Variants in NTM observed in about 807,000 individuals in gnomAD.
The protein encoded by NTM is IgLON family member 2.
Under a neutral mutation model 42.1 loss-of-function variants are expected in NTM, and 13 were observed. The observed-to-expected ratio is 0.31, with a 90% CI of 0.20 to 0.49. The LOEUF (loss-of-function observed/expected upper bound fraction) is 0.49, where lower values mean the gene tolerates loss of function less well. Among genes scored for constraint, NTM ranks in the 20% least tolerant of loss-of-function variants. NTM has a pLI of 0.99. For missense variants in NTM, 373 were observed against 452.8 expected (o/e 0.82, Z 1.60); for synonymous variants, 187 against 179.2 (o/e 1.04, Z -0.35).
At chr11:132,322,858 A>G (rs755132489) in intron 7 of NTM, among the ~76,000 whole-genome samples, 219 of 145,388 alleles carry the variant, frequency 1.5e-3, no homozygotes, top group Admixed American at 3.3e-3. Flanking sequence ...TCAAACTAGA[A>G]CTCAGGATTA....
At chr11:131,816,118 T>C (rs77407985) in intron 1 of NTM, among the ~76,000 whole-genome samples, 11,462 of 152,318 alleles carry the variant, frequency 0.075, 1,430 homozygotes, top group African/African-American at 0.26. Context: ...AATTCTGCCT[T>C]TTTTGATTAT....
At chr11:131,733,469 T>TCCTTCCTTCCTC (rs2079968326) in intron 1 of NTM, among the ~76,000 whole-genome samples, 1 of 104,928 alleles carries the variant, frequency 9.5e-6, no homozygotes, top group Non-Finnish European at 1.9e-5. Flanking sequence ...CTTCTTTCCT[T>TCCTTCCTTCCTC]CCTTCCTTCC....
At chr11:131,936,749 A>C (rs2059263332) in intron 2 of NTM, among the ~76,000 whole-genome samples, 1 of 152,220 alleles carries the variant, frequency 6.6e-6, no homozygotes, top group Non-Finnish European at 1.5e-5. Flanking sequence ...AAAAATTCTC[A>C]CTATGATACG....
intron 1 of NTM, among the ~76,000 whole-genome samples, chr11:131,523,695 A>G (rs1381434308): frequency 2.0e-5 from 3 of 150,404 alleles, no homozygotes; most frequent in Non-Finnish European, 4.4e-5. Flanking sequence ...AGGCTGAGAC[A>G]GAAGAATAGC....
intron 1 of NTM, among the ~76,000 whole-genome samples, chr11:131,780,420 G>A (rs996089229): frequency 1.3e-5 from 2 of 152,092 alleles, no homozygotes; most frequent in South Asian, 4.1e-4. Context: ...CTCAAATGTA[G>A]GAGTTTTATT....
At chr11:131,427,699 A>G (rs1948283590) in intron 1 of NTM, among the ~76,000 whole-genome samples, 1 of 152,208 alleles carries the variant, frequency 6.6e-6, no homozygotes, top group African/African-American at 2.4e-5. Context: ...AGTTCATTGC[A>G]AATCAACTTC....
intron 4 of NTM, among the ~76,000 whole-genome samples, chr11:132,272,231 G>A (rs970099611): frequency 6.6e-6 from 1 of 151,974 alleles, no homozygotes; most frequent in Non-Finnish European, 1.5e-5. Flanking sequence ...TTATCCCATT[G>A]TTCTATGTAT....
At chr11:131,383,001 C>T (rs915805751) in intron 1 of NTM, among the ~76,000 whole-genome samples, 4 of 152,154 alleles carry the variant, frequency 2.6e-5, no homozygotes, top group Admixed American at 1.3e-4. Flanking sequence ...TAAGACCTTG[C>T]CTATCCTTGC....
chr11:131,956,294 C>T (rs2061548530), intron 2 of NTM, among the ~76,000 whole-genome samples: 1 of 152,154 alleles, frequency 6.6e-6, no homozygotes, highest in African/African-American at 2.4e-5. Flanking sequence ...CAGAATGTGA[C>T]CTCTAGCATT....
chr11:131,541,526 TCAGTCAATTTTGTGAGCTATGTAAAGC>T (rs1191960919), intron 1 of NTM, among the ~76,000 whole-genome samples: 2 of 152,148 alleles, frequency 1.3e-5, no homozygotes, highest in Non-Finnish European at 2.9e-5. Context: ...CTATGTAAAG[TCAGTCAATTTTGTGAGCTATGTAAAGC>T]CAGTCAATTC....
chr11:131,715,756 T>C (rs2077629498), intron 1 of NTM, among the ~76,000 whole-genome samples: 1 of 152,254 alleles, frequency 6.6e-6, no homozygotes, highest in South Asian at 2.1e-4. Flanking sequence ...TCACACAATA[T>C]GTACTCACTT....
intron 1 of NTM, among the ~76,000 whole-genome samples, chr11:131,578,308 A>G (rs887251771): frequency 5.3e-5 from 8 of 152,240 alleles, no homozygotes; most frequent in Non-Finnish European, 1.0e-4. Flanking sequence ...ATATAGGTTT[A>G]TGTCATATCT....
At chr11:131,570,417 G>A (rs1309088867) in intron 1 of NTM, among the ~76,000 whole-genome samples, 2 of 152,178 alleles carry the variant, frequency 1.3e-5, no homozygotes, top group Non-Finnish European at 2.9e-5. Flanking sequence ...AAACCTAGAA[G>A]CAATAAATGA....
rs1187078007 is a variant in NTM at position 132,297,368 on chromosome 11, T to C, written c.527-10321T>C. Reference sequence around the variant, plus strand: ...CTTCAGGAAAGCCTGCGTTTTGCTCTGCATCTGAGGATGCTGCTTGCAAAG... The same window carrying C: ...CTTCAGGAAAGCCTGCGTTTTGCTCCGCATCTGAGGATGCTGCTTGCAAAG... On this transcript the variant is annotated intron_variant, in intron 4 of 8. Coordinates refer to ENST00000683400, the MANE Select transcript of NTM (RefSeq NM_001352005.2). Among the ~76,000 whole-genome samples the C allele has an allele frequency of 2.0e-5, 3 of 152,350 alleles. No homozygotes were observed. The East Asian group carries it at 5.8e-4, about 30-fold the overall frequency.
At chr11:131,898,041 TGTTATTCTTGGATGGAGAGTGCTA>T (rs1223797543) in intron 1 of NTM, among the ~76,000 whole-genome samples, 24 of 152,340 alleles carry the variant, frequency 1.6e-4, no homozygotes, top group Non-Finnish European at 3.4e-4. Context: ...TTATTATTAA[TGTTATTCTTGGATGGAGAGTGCTA>T]GGAGGTCGTA....
At chr11:132,202,537 C>T (rs2081317777) in intron 3 of NTM, among the ~76,000 whole-genome samples, 1 of 152,112 alleles carries the variant, frequency 6.6e-6, no homozygotes, top group African/African-American at 2.4e-5. Context: ...CTGATACACC[C>T]CTTATGTTTC....
At chr11:131,969,842 G>T (rs796141143) in intron 2 of NTM, among the ~76,000 whole-genome samples, 1 of 152,010 alleles carries the variant, frequency 6.6e-6, no homozygotes, top group African/African-American at 2.4e-5. Context: ...TTTGAGACAG[G>T]GTCTTGCTCT....
chr11:132,320,707 T>G (rs1330681619), intron 7 of NTM, among the ~76,000 whole-genome samples: 11 of 152,052 alleles, frequency 7.2e-5, no homozygotes, highest in Non-Finnish European at 1.3e-4. Context: ...CTCTGTAGGC[T>G]CCACCTCTGG....
intron 1 of NTM, among the ~76,000 whole-genome samples, chr11:131,488,938 TCA>T (rs1954478833): frequency 6.6e-6 from 1 of 152,188 alleles, no homozygotes; most frequent in Admixed American, 6.5e-5. Context: ...AGGAAGCACA[TCA>T]CAGTTACTGG....
Sources: gnomAD v4.1 joint callset for allele counts (sites outside exome capture counted in the v4.1 genomes callset) on GRCh38, gnomAD v4.1.1 for gene constraint, MANE v1.5 for transcripts, NCBI Gene and HGNC (gene_info 2026-07-23, HGNC 2026-07-21) for gene names.